The following EIF4G3 variants were observed in gnomAD, a reference collection of about 807,000 sequenced individuals.
EIF4G3 encodes eukaryotic translation initiation factor 4 gamma 3, also known as eIF-4-gamma 3.
EIF4G3 carries 34 observed loss-of-function variants against 186.4 expected under a neutral mutation model. The ratio of observed to expected loss-of-function variants is 0.18; its 90% CI spans 0.14 to 0.24. The LOEUF (loss-of-function observed/expected upper bound fraction) is 0.24. Among genes scored for constraint, EIF4G3 ranks in the 10% least tolerant of loss-of-function variants. The pLI, the probability that EIF4G3 is intolerant of heterozygous loss-of-function variation, is 1.00. For missense variants in EIF4G3, 1,536 were observed against 1,948.5 expected (o/e 0.79, Z 3.99); for synonymous variants, 673 against 679.5 (o/e 0.99, Z 0.15).
At chr1:21,052,705 C>T (rs952983428) in intron 3 of EIF4G3, among the ~76,000 whole-genome samples, 18 of 152,230 alleles carry the variant, frequency 1.2e-4, no homozygotes, top group South Asian at 6.2e-4. Context: ...CTCAGCCTGC[C>T]GAGTGCCTGC....
At chr1:20,902,723 C>G (rs2090786728) in intron 15 of EIF4G3, among the ~76,000 whole-genome samples, 1 of 152,182 alleles carries the variant, frequency 6.6e-6, no homozygotes, top group African/African-American at 2.4e-5. Flanking sequence ...TCATTGCAAC[C>G]TCCGCCTTCT....
intron 27 of EIF4G3, among the ~76,000 whole-genome samples, chr1:20,852,915 G>A (rs1300409771): frequency 2.0e-5 from 3 of 151,966 alleles, no homozygotes; most frequent in Non-Finnish European, 4.4e-5. Flanking sequence ...TGGGAGCATC[G>A]CTTGAGACCA....
chr1:21,130,543 T>C (rs2097134579), intron 2 of EIF4G3, among the ~76,000 whole-genome samples: 1 of 152,000 alleles, frequency 6.6e-6, no homozygotes, highest in Non-Finnish European at 1.5e-5. Flanking sequence ...ACCCAATATC[T>C]CACGGTAAAG....
intron 3 of EIF4G3, among the ~76,000 whole-genome samples, chr1:21,071,791 G>A (rs1435734909): frequency 6.7e-6 from 1 of 149,184 alleles, no homozygotes; most frequent in African/African-American, 2.5e-5. Context: ...AGGTGACAGA[G>A]CGAGGCTCCG....
intron 2 of EIF4G3, among the ~76,000 whole-genome samples, chr1:21,166,792 G>GT (rs1558276010): frequency 1.3e-5 from 2 of 151,844 alleles, no homozygotes; most frequent in Non-Finnish European, 2.9e-5. Context: ...GTTTTGGGGG[G>GT]TTTTTTTGAG....
intron 29 of EIF4G3, among the ~76,000 whole-genome samples, chr1:20,843,372 C>T (rs1373358113): frequency 6.6e-6 from 1 of 151,872 alleles, no homozygotes. Context: ...CAAAAATTAG[C>T]CGTGTGTAGT....
chr1:21,010,419 CAAAAAAAA>C (rs11318361), intron 4 of EIF4G3, among the ~76,000 whole-genome samples: 2 of 101,166 alleles, frequency 2.0e-5, no homozygotes, highest in East Asian at 3.5e-4. Flanking sequence ...GACTCTGTCT[CAAAAAAAA>C]AAAAAAAAAA....
intron 23 of EIF4G3, among the ~76,000 whole-genome samples, chr1:20,861,221 G>A (rs1462595769): frequency 1.3e-5 from 2 of 152,182 alleles, no homozygotes; most frequent in African/African-American, 2.4e-5. Flanking sequence ...GGGTGGAGGA[G>A]AAATAAGAGG....
chr1:20,926,551 G>C (rs2094902951), intron 14 of EIF4G3, among the ~76,000 whole-genome samples: 1 of 152,066 alleles, frequency 6.6e-6, no homozygotes. Flanking sequence ...CGCATCTGTG[G>C]TTCCAGCTAC....
chr1:20,937,876 C>G (rs2095568038), intron 14 of EIF4G3, among the ~76,000 whole-genome samples: 1 of 152,096 alleles, frequency 6.6e-6, no homozygotes, highest in South Asian at 2.1e-4. Flanking sequence ...CATTTAATTA[C>G]TAAAGTGACG....
At chr1:21,004,607 G>A (rs1379579802) in intron 4 of EIF4G3, among the ~76,000 whole-genome samples, 5 of 152,140 alleles carry the variant, frequency 3.3e-5, no homozygotes, top group South Asian at 4.2e-4. Flanking sequence ...ACTATCCCAC[G>A]TCTATGAATG....
At chr1:20,972,486 T>G (rs2076093455) in intron 11 of EIF4G3, among the ~76,000 whole-genome samples, 1 of 152,008 alleles carries the variant, frequency 6.6e-6, no homozygotes. Context: ...TACAAAAAAT[T>G]AGCCGGGCCT....
intron 14 of EIF4G3, among the ~76,000 whole-genome samples, chr1:20,925,802 G>T (rs1266912245): frequency 6.6e-6 from 1 of 152,182 alleles, no homozygotes; most frequent in Non-Finnish European, 1.5e-5. Flanking sequence ...AAAGTGCTGG[G>T]ATTATACGTG....
chr1:21,039,528 T>C (rs1041990678), intron 4 of EIF4G3, among the ~76,000 whole-genome samples: 1 of 152,182 alleles, frequency 6.6e-6, no homozygotes, highest in African/African-American at 2.4e-5. Flanking sequence ...CGAGGCATGG[T>C]GGCACATGCC....
chr1:20,969,368 C>T, intron 12 of EIF4G3, 106 bp downstream of exon 12: 1 of 1,348,378 alleles, frequency 7.4e-7, no homozygotes, highest in South Asian at 1.5e-5. Flanking sequence ...GGCTGCGAGA[C>T]AACTGATGGA....
chr1:21,114,722 A>T (rs12048280), intron 2 of EIF4G3, among the ~76,000 whole-genome samples: 37 of 152,042 alleles, frequency 2.4e-4, no homozygotes, highest in Non-Finnish European at 4.1e-4. Flanking sequence ...AATAAAAAAA[A>T]TTTTTTTTGC....
chr1:20,939,552 A>G (rs975232377), intron 14 of EIF4G3, among the ~76,000 whole-genome samples: 1 of 152,204 alleles, frequency 6.6e-6, no homozygotes, highest in Non-Finnish European at 1.5e-5. Flanking sequence ...AAAAAAGAAT[A>G]TATGTCAGAA....
At chr1:20,821,589 A>C (rs2062362920) in intron 33 of EIF4G3, among the ~76,000 whole-genome samples, 1 of 150,488 alleles carries the variant, frequency 6.6e-6, no homozygotes, top group South Asian at 2.1e-4. Context: ...ATACATCACC[A>C]TCTTCCCTAT....
chr1:21,119,095 A>T (rs749357510), intron 2 of EIF4G3, among the ~76,000 whole-genome samples: 7 of 152,152 alleles, frequency 4.6e-5, no homozygotes, highest in African/African-American at 7.2e-5. Context: ...GAAGAGCTAC[A>T]TTAGAATTAG....
Sources: gnomAD v4.1 joint callset for allele counts (sites outside exome capture counted in the v4.1 genomes callset) on GRCh38, gnomAD v4.1.1 for gene constraint, MANE v1.5 for transcripts, NCBI Gene and HGNC (gene_info 2026-07-23, HGNC 2026-07-21) for gene names.